Variants in MAST2 observed in about 807,000 individuals in gnomAD.
MAST2 encodes microtubule associated serine/threonine kinase 2, also known as microtubule-associated serine/threonine-protein kinase 2.
A neutral mutation model predicts 147.4 loss-of-function variants in MAST2; 70 were observed. The observed-to-expected ratio is 0.47, with a 90% CI of 0.39 to 0.58. MAST2 has a LOEUF of 0.58. MAST2 is among the 20% of genes least tolerant of loss of function. The pLI, the probability that MAST2 is intolerant of heterozygous loss-of-function variation, is 0.00. For synonymous variants in MAST2, 869 were observed against 896.8 expected, an observed-to-expected ratio of 0.97 and a Z score of 0.55; for missense variants, 2,080 against 2,302.3, an observed-to-expected ratio of 0.90 and a Z score of 1.98.
intron 5 of MAST2, among the ~76,000 whole-genome samples, chr1:45,987,776 G>GTTTTTTT (rs1644692974): frequency 1.1e-3 from 35 of 30,688 alleles, no homozygotes; most frequent in African/African-American, 1.3e-3. Context: ...TTTTTTTTTT[G>GTTTTTTT]ATTTTTTTTT....
chr1:45,827,199 G>A (rs976714122), intron 2 of MAST2, among the ~76,000 whole-genome samples: 1 of 152,140 alleles, frequency 6.6e-6, no homozygotes, highest in African/African-American at 2.4e-5. Context: ...TGCTTGGTCT[G>A]CCATCTTTAA....
At chr1:45,816,452 A>G (rs1644458253) in intron 1 of MAST2, among the ~76,000 whole-genome samples, 1 of 152,198 alleles carries the variant, frequency 6.6e-6, no homozygotes, top group Admixed American at 6.6e-5. Context: ...ATAGAGATAC[A>G]TGACCTTTCA....
chr1:45,893,789 A>T (rs192841632), intron 4 of MAST2, among the ~76,000 whole-genome samples: 9 of 152,312 alleles, frequency 5.9e-5, no homozygotes, highest in African/African-American at 2.2e-4. Context: ...CCTAGGGAAC[A>T]CTGAACATGT....
At chr1:45,835,954 G>T (rs929293318) in intron 3 of MAST2, among the ~76,000 whole-genome samples, 2 of 151,916 alleles carry the variant, frequency 1.3e-5, no homozygotes, top group Non-Finnish European at 2.9e-5. Context: ...CTTTTTTATG[G>T]CTGAATAAGA....
In MAST2 at chr1:45,979,706, A is replaced by T. The variant is rs1284858889; in HGVS notation, c.593-18018A>T. ...TGGCTTTTCCACTTTATGATGGCTT[A>T]CACCTGTAGCTCCTGCTCCTCAGGA... On this transcript the variant is annotated intron_variant, in intron 5 of 28. Transcript: ENST00000361297. Among the ~76,000 whole-genome samples the T allele has an allele frequency of 3.3e-5, 5 of 152,140 alleles. No individual in the cohort carries two copies. The East Asian group carries it at 5.8e-4, about 18-fold the overall frequency.
intron 1 of MAST2, among the ~76,000 whole-genome samples, chr1:45,817,621 G>T (rs1051651496): frequency 3.9e-5 from 6 of 152,050 alleles, no homozygotes; most frequent in African/African-American, 1.4e-4. Context: ...TGAGCAATAA[G>T]AAATCATCTG....
At chr1:45,849,144 A>T (rs1361566306) in intron 3 of MAST2, among the ~76,000 whole-genome samples, 1 of 152,262 alleles carries the variant, frequency 6.6e-6, no homozygotes, top group Non-Finnish European at 1.5e-5. Context: ...TATCATTAAA[A>T]TGACCATACT....
In MAST2 at chr1:46,030,218, T is replaced by G; in HGVS notation, c.2533T>G (p.Cys845Gly). The change falls in exon 21 of 29, where the codon TGC becomes GGC. Residue 845 changes from cysteine to glycine, a missense_variant. Around this residue, in one of 4 missense-constraint regions of MAST2, gnomAD observed 1,278 missense variants for 1,304.2 expected, o/e 0.98. Coordinates refer to ENST00000361297, the MANE Select transcript of MAST2 (RefSeq NM_015112.3). The part of the protein sequence containing the change: ...GCLEIRQFSS[C>G]SPRFNKVYSS... ...CCTTGAGATCCGCCAGTTCTCTTCC[T>G]GCTCTCCAAGGTTCAACAAGGTGTG... 1 of 1,614,218 alleles carries G rather than the reference T, an allele frequency of 6.2e-7. No homozygotes were observed. The highest frequency in any genetic ancestry group is 8.5e-7 in the Non-Finnish European group (1 of 1,180,032).
At chr1:45,818,649 C>T (rs1266941869) in intron 1 of MAST2, among the ~76,000 whole-genome samples, 2 of 152,138 alleles carry the variant, frequency 1.3e-5, no homozygotes, top group African/African-American at 4.8e-5. Flanking sequence ...CACAATTGGT[C>T]GTTGTGAACT....
At chr1:45,993,176 A>G (rs1376628975) in intron 5 of MAST2, among the ~76,000 whole-genome samples, 6 of 152,118 alleles carry the variant, frequency 3.9e-5, no homozygotes, top group East Asian at 1.9e-4. Context: ...AGAGATTTAA[A>G]TAATAAGAAA....
At chr1:45,993,313 T>C (rs1434666946) in intron 5 of MAST2, among the ~76,000 whole-genome samples, 1 of 152,178 alleles carries the variant, frequency 6.6e-6, no homozygotes, top group Non-Finnish European at 1.5e-5. Context: ...TTTTTTGTAG[T>C]GTGGTTTGCT....
intron 1 of MAST2, among the ~76,000 whole-genome samples, chr1:45,820,570 T>C (rs903981939): frequency 6.6e-6 from 1 of 152,180 alleles, no homozygotes; most frequent in Non-Finnish European, 1.5e-5. Context: ...GTGTGCTAAA[T>C]ATCATAGATT....
Position 45,997,735 on chromosome 1 carries a change from T to C in MAST2, c.604T>C (p.Leu202=). 6.2e-7 allele frequency: 1 copy of C among 1,614,064 alleles called. No homozygotes were observed. Residue 202 remains leucine (L), a synonymous_variant, in exon 6 of 29, where the codon TTG becomes CTG. Transcript: ENST00000361297. The part of the protein sequence containing the change: ...PLHGHTGNSP[L]DSPRNFSPNA... ...TTTCCCATCCACAGGTAACAGTCCT[T>C]TGGACAGCCCCCGGAATTTCTCTCC...
chr1:45,885,816 C>G (rs1210959906), intron 4 of MAST2, among the ~76,000 whole-genome samples: 4 of 152,152 alleles, frequency 2.6e-5, no homozygotes, highest in Non-Finnish European at 5.9e-5. Context: ...GACAAGGTCC[C>G]TGTGCTCATG....
At chr1:45,999,075 AG>A (rs1370805297) in intron 6 of MAST2, among the ~76,000 whole-genome samples, 1 of 152,162 alleles carries the variant, frequency 6.6e-6, no homozygotes, top group East Asian at 1.9e-4. Flanking sequence ...GGAAAAAGAG[AG>A]GCTCCTGGAA....
chr1:45,959,917 G>A (rs376596469), intron 5 of MAST2, among the ~76,000 whole-genome samples: 1 of 152,132 alleles, frequency 6.6e-6, no homozygotes, highest in East Asian at 1.9e-4. Flanking sequence ...GATAACAAAA[G>A]CAAGAGGAGT....
intron 17 of MAST2, among the ~76,000 whole-genome samples, chr1:46,028,102 A>T (rs1222458028): frequency 6.6e-6 from 1 of 152,124 alleles, no homozygotes; most frequent in Non-Finnish European, 1.5e-5. Flanking sequence ...AAGATTGGGA[A>T]CCCCTATCTT....
chr1:46,008,975 T>C (rs1645601230), intron 9 of MAST2, among the ~76,000 whole-genome samples: 1 of 152,242 alleles, frequency 6.6e-6, no homozygotes, highest in Non-Finnish European at 1.5e-5. Flanking sequence ...CTGAGATAGC[T>C]GAGAAGTAGC....
intron 5 of MAST2, among the ~76,000 whole-genome samples, chr1:45,991,040 T>A (rs1644837031): frequency 6.6e-6 from 1 of 152,306 alleles, no homozygotes; most frequent in South Asian, 2.1e-4. Context: ...TACATTCGGA[T>A]CATTTTCATG....
Sources: allele counts gnomAD v4.1 joint callset (sites outside exome capture counted in the v4.1 genomes callset), GRCh38; gene constraint gnomAD v4.1.1; regional missense constraint gnomAD v4.1.1; transcripts MANE v1.5; gene names NCBI Gene and HGNC (gene_info 2026-07-23, HGNC 2026-07-21).